NRXN3: variants seen among roughly 807,000 people sequenced by gnomAD.
NRXN3 encodes neurexin 3, also known as neurexin III.
In NRXN3, 32 loss-of-function variants were observed where a neutral mutation model predicts 137.6. The ratio of observed to expected loss-of-function variants is 0.23; its 90% CI spans 0.18 to 0.31. NRXN3 has a LOEUF of 0.31. Ranked by LOEUF, NRXN3 falls within the 10% of genes least tolerant of loss-of-function variation. NRXN3 has a pLI of 1.00. For missense variants in NRXN3, 1,574 were observed against 2,062.5 expected, an observed-to-expected ratio of 0.76 and a Z score of 4.59; for synonymous variants, 798 against 784.5, an observed-to-expected ratio of 1.02 and a Z score of -0.29.
chr14:79,357,287 T>G (rs2093459121), intron 15 of NRXN3, among the ~76,000 whole-genome samples: 1 of 152,228 alleles, frequency 6.6e-6, no homozygotes, highest in Non-Finnish European at 1.5e-5. Context: ...AATTAAAATA[T>G]GAGTAAGTCT....
At chr14:79,235,567 CT>C (rs1353170158) in intron 15 of NRXN3, among the ~76,000 whole-genome samples, 3 of 152,172 alleles carry the variant, frequency 2.0e-5, no homozygotes, top group Admixed American at 2.0e-4. Flanking sequence ...CATTCTTGCA[CT>C]TGCCTTCCTG....
intron 15 of NRXN3, among the ~76,000 whole-genome samples, chr14:79,191,546 CAA>C (rs2064314274): frequency 6.6e-6 from 1 of 152,084 alleles, no homozygotes. Context: ...TGTCTCCTGA[CAA>C]AGAGAAAATA....
At chr14:79,417,860 T>A (rs2095519236) in intron 15 of NRXN3, among the ~76,000 whole-genome samples, 1 of 152,038 alleles carries the variant, frequency 6.6e-6, no homozygotes, top group African/African-American at 2.4e-5. Flanking sequence ...GGGCTTTTGA[T>A]TAGAAGCCTT....
intron 10 of NRXN3, among the ~76,000 whole-genome samples, chr14:78,864,115 A>C (rs1454416861): frequency 1.3e-5 from 2 of 152,184 alleles, no homozygotes; most frequent in Non-Finnish European, 2.9e-5. Context: ...AAATACATTT[A>C]GAGAGTTGGA....
chr14:79,760,805 C>T (rs2139404426), intron 19 of NRXN3: 1 of 151,588 alleles, frequency 6.6e-6, no homozygotes, highest in East Asian at 1.9e-4. Context: ...GCACCTACCG[C>T]AAATTAGAAG....
At chr14:79,252,184 C>T (rs1407445872) in intron 15 of NRXN3, among the ~76,000 whole-genome samples, 2 of 152,128 alleles carry the variant, frequency 1.3e-5, no homozygotes, top group East Asian at 3.9e-4. Context: ...TCCAATTCCA[C>T]CTCTTTCAAG....
chr14:78,414,343 CTG>C (rs1355960992), intron 4 of NRXN3, among the ~76,000 whole-genome samples: 1 of 152,066 alleles, frequency 6.6e-6, no homozygotes, highest in African/African-American at 2.4e-5. Flanking sequence ...GTGTGTAGGA[CTG>C]TGTAAGGGCA....
In NRXN3 at chr14:79,277,350, G is replaced by C. The variant is rs188650069; in HGVS notation, c.3263-189871G>C. 4.7e-4 allele frequency among the ~76,000 whole-genome samples: 71 copies of C among 152,306 alleles called. No individual in the cohort carries two copies. The East Asian group carries it at 0.01, about 22-fold the overall frequency. On this transcript the variant is annotated intron_variant, in intron 15 of 20. Coordinates refer to ENST00000335750, the MANE Select transcript of NRXN3 (RefSeq NM_001330195.2). ...AGAGTTAAGCAGAGTCATCTAGGCCGCCTTAAGGCCAAAAGTGCAGTGGAA... is the reference window on the plus strand; with the variant it reads ...AGAGTTAAGCAGAGTCATCTAGGCCCCCTTAAGGCCAAAAGTGCAGTGGAA...
chr14:78,328,460 A>G (rs959616897), intron 4 of NRXN3, among the ~76,000 whole-genome samples: 1 of 152,232 alleles, frequency 6.6e-6, no homozygotes, highest in Non-Finnish European at 1.5e-5. Flanking sequence ...ATAGAATTCA[A>G]TTGACATAAT....
At chr14:78,363,655 G>A (rs564464358) in intron 4 of NRXN3, among the ~76,000 whole-genome samples, 61 of 152,150 alleles carry the variant, frequency 4.0e-4, no homozygotes, top group Non-Finnish European at 7.6e-4. Context: ...ATGATAAGGT[G>A]CTATCTGGCT....
At chr14:78,472,543 C>A (rs560843205) in intron 4 of NRXN3, among the ~76,000 whole-genome samples, 1 of 152,302 alleles carries the variant, frequency 6.6e-6, no homozygotes, top group South Asian at 2.1e-4. Flanking sequence ...ATATATTTTT[C>A]TCCACTTAAT....
chr14:79,499,999 A>G (rs2096805452), intron 16 of NRXN3, among the ~76,000 whole-genome samples: 1 of 140,172 alleles, frequency 7.1e-6, no homozygotes, highest in African/African-American at 2.8e-5. Flanking sequence ...GTGTTAAAGG[A>G]CGAATAAAGT....
intron 6 of NRXN3, among the ~76,000 whole-genome samples, chr14:78,669,631 G>T (rs568825473): frequency 1.3e-5 from 2 of 152,236 alleles, no homozygotes; most frequent in South Asian, 2.1e-4. Flanking sequence ...TGACACACGG[G>T]TCTCTTCTTG....
At chr14:79,805,380 G>A (rs1018886482) in intron 20 of NRXN3, among the ~76,000 whole-genome samples, 190 bp downstream of exon 20, 3 of 151,804 alleles carry the variant, frequency 2.0e-5, no homozygotes, top group Admixed American at 2.0e-4. Flanking sequence ...AAATCCCATG[G>A]AAAGAGCAAT....
intron 8 of NRXN3, among the ~76,000 whole-genome samples, chr14:78,761,811 A>G (rs753804093): frequency 2.6e-5 from 4 of 152,204 alleles, no homozygotes; most frequent in Non-Finnish European, 2.9e-5. Flanking sequence ...CATATTAGAA[A>G]TGAGTGCTGG....
At chr14:79,529,528 G>A (rs2097151378) in intron 16 of NRXN3, among the ~76,000 whole-genome samples, 1 of 152,202 alleles carries the variant, frequency 6.6e-6, no homozygotes, top group South Asian at 2.1e-4. Context: ...CCACATATGT[G>A]AGAAAAGAGA....
chr14:79,488,722 T>C (rs1301064202), intron 16 of NRXN3, among the ~76,000 whole-genome samples: 1 of 152,036 alleles, frequency 6.6e-6, no homozygotes, highest in Non-Finnish European at 1.5e-5. Context: ...TTAAAGAAAA[T>C]TCATATCTAG....
At chr14:79,829,656 T>C (rs1055037073) in intron 20 of NRXN3, among the ~76,000 whole-genome samples, 40 of 152,220 alleles carry the variant, frequency 2.6e-4, no homozygotes, top group Admixed American at 1.3e-4. Context: ...TGAATGTGTG[T>C]GTGTGCCTGT....
At chr14:78,528,355 G>A (rs2153809190) in intron 4 of NRXN3, among the ~76,000 whole-genome samples, 1 of 152,274 alleles carries the variant, frequency 6.6e-6, no homozygotes, top group Non-Finnish European at 1.5e-5. Flanking sequence ...ATTTTGGGGT[G>A]GAGGATTGAA....
Sources: allele counts gnomAD v4.1 joint callset (sites outside exome capture counted in the v4.1 genomes callset), GRCh38; gene constraint gnomAD v4.1.1; transcripts MANE v1.5; gene names NCBI Gene and HGNC (gene_info 2026-07-23, HGNC 2026-07-21).